Variants in IL10RB observed in about 807,000 individuals in gnomAD.
IL10RB encodes interleukin-10 receptor subunit beta.
In IL10RB, 30 loss-of-function variants were observed where a neutral mutation model predicts 38.7. The ratio of observed to expected loss-of-function variants is 0.78; its 90% CI spans 0.58 to 1.05. IL10RB has a LOEUF of 1.05. IL10RB is among the 50% of genes least tolerant of loss of function. IL10RB has a pLI of 0.00. For missense variants in IL10RB, 328 were observed against 397.1 expected, an observed-to-expected ratio of 0.83 and a Z score of 1.48; for synonymous variants, 142 against 145.9, an observed-to-expected ratio of 0.97 and a Z score of 0.19.
intron 6 of IL10RB, among the ~76,000 whole-genome samples, chr21:33,291,705 C>G (rs1989490942): frequency 6.6e-6 from 1 of 152,228 alleles, no homozygotes; most frequent in African/African-American, 2.4e-5. Context: ...TAAAGGTTAG[C>G]TCCAGCCAGG....
At chr21:33,266,639 T>G in intron 1 of IL10RB, 125 bp downstream of exon 1, 1 of 932,542 alleles carries the variant, frequency 1.1e-6, no homozygotes, top group South Asian at 1.5e-5. Flanking sequence ...GGAGAGAAGA[T>G]GCAAACGCCA....
intron 2 of IL10RB, among the ~76,000 whole-genome samples, chr21:33,269,423 T>A (rs1267532679): frequency 6.6e-6 from 1 of 152,218 alleles, no homozygotes; most frequent in Non-Finnish European, 1.5e-5. Context: ...AGTCCTTCAG[T>A]GAGGCAGGAG....
At chr21:33,280,581 A>G (rs1238218008) in intron 4 of IL10RB, among the ~76,000 whole-genome samples, 1 of 152,242 alleles carries the variant, frequency 6.6e-6, no homozygotes, top group Non-Finnish European at 1.5e-5. Context: ...ACATCAGTAC[A>G]TGAGGTTTCC....
chr21:33,271,437 A>C (rs1989077818), intron 2 of IL10RB, among the ~76,000 whole-genome samples: 1 of 152,122 alleles, frequency 6.6e-6, no homozygotes, highest in South Asian at 2.1e-4. Context: ...AATAAAAATA[A>C]CCTAGTGAAG....
At chr21:33,271,595 G>A (rs749946370) in intron 2 of IL10RB, among the ~76,000 whole-genome samples, 6 of 152,034 alleles carry the variant, frequency 3.9e-5, no homozygotes, top group Non-Finnish European at 7.4e-5. Context: ...GGGTATGGTG[G>A]TGCATACCTG....
intron 1 of IL10RB, among the ~76,000 whole-genome samples, chr21:33,267,062 C>T (rs564908433): frequency 6.7e-4 from 102 of 152,294 alleles, no homozygotes; most frequent in African/African-American, 2.2e-3. Flanking sequence ...CCCCCAGCGC[C>T]CCAGCTCCAT....
intron 6 of IL10RB, among the ~76,000 whole-genome samples, chr21:33,295,145 C>A (rs1234462949): frequency 1.3e-5 from 2 of 152,070 alleles, no homozygotes; most frequent in East Asian, 1.9e-4. Flanking sequence ...GTGGGCAGAT[C>A]ACGAGGTCAG....
At chr21:33,270,166 C>G (rs1351088053) in intron 2 of IL10RB, among the ~76,000 whole-genome samples, 1 of 152,200 alleles carries the variant, frequency 6.6e-6, no homozygotes, top group Non-Finnish European at 1.5e-5. Context: ...TCAGCTGTCC[C>G]AAGGATTGAA....
At chr21:33,308,540 G>A (rs2123617805) in intron 1 of IL10RB, 1 of 152,260 alleles carries the variant, frequency 6.6e-6, no homozygotes, top group Non-Finnish European at 1.5e-5. Context: ...AATTCTAAAT[G>A]TCCTACCATC....
chr21:33,287,993 C>T (rs1332448587), intron 5 of IL10RB, 111 bp from the exon 6 acceptor site: 28 of 1,060,846 alleles, frequency 2.6e-5, no homozygotes, highest in Non-Finnish European at 3.8e-5. Flanking sequence ...AGACGTCCCC[C>T]AAGATAAACG....
intron 2 of IL10RB, among the ~76,000 whole-genome samples, chr21:33,272,253 G>T (rs572171570): frequency 1.3e-5 from 2 of 152,264 alleles, no homozygotes; most frequent in South Asian, 4.1e-4. Flanking sequence ...TCTGAGTTCA[G>T]TTGGGCAGAT....
chr21:33,296,439 A>G lies in IL10RB; in HGVS notation c.*82A>G. ...GCCTCAGTGAGGGATCAGGGCAGCAAACAAGGGCCAAGACCATCTGAGCCA... is the reference window on the plus strand; with the variant it reads ...GCCTCAGTGAGGGATCAGGGCAGCAGACAAGGGCCAAGACCATCTGAGCCA... On this transcript the variant is annotated 3_prime_UTR_variant, in exon 7 of 7. Coordinates refer to ENST00000290200, the MANE Select transcript of IL10RB (RefSeq NM_000628.5). The G allele has an allele frequency of 7.2e-7, 1 of 1,386,680 alleles. No homozygotes were observed. Among genetic ancestry groups the G allele is most frequent in the Non-Finnish European group, 1.0e-6 (1 of 994,096 alleles). 85.9% of individuals were successfully genotyped at this position (1,386,680 alleles called of 1,614,324 possible). A position where few individuals can be genotyped will look rare whatever the true frequency, so the allele number is the denominator to read the frequency against.
chr21:33,288,800 T>C (rs542150881), intron 6 of IL10RB, among the ~76,000 whole-genome samples: 1 of 152,302 alleles, frequency 6.6e-6, no homozygotes, highest in Admixed American at 6.5e-5. Flanking sequence ...TGACTAATGA[T>C]AACAGGACTG....
At chr21:33,299,097 C>T (rs2082978689), downstream of IL10RB, among the ~76,000 whole-genome samples, 1 of 152,168 alleles carries the variant, frequency 6.6e-6, no homozygotes. Context: ...TTGCCCCAAA[C>T]CCGGAAACCC....
At chr21:33,269,203 G>A (rs1485015341) in intron 2 of IL10RB, among the ~76,000 whole-genome samples, 5 of 152,198 alleles carry the variant, frequency 3.3e-5, no homozygotes, top group African/African-American at 4.8e-5. Context: ...TGATCTGAAC[G>A]CCCTCTACCT....
At chr21:33,303,564 A>T (rs758806213) in intron 1 of IL10RB, among the ~76,000 whole-genome samples, 1 of 152,126 alleles carries the variant, frequency 6.6e-6, no homozygotes, top group Non-Finnish European at 1.5e-5. Flanking sequence ...TATGTTGGCC[A>T]GGCTGGTATC....
At chr21:33,298,775 C>T (rs990581493), downstream of IL10RB, among the ~76,000 whole-genome samples, 2 of 152,114 alleles carry the variant, frequency 1.3e-5, no homozygotes, top group Admixed American at 1.3e-4. Context: ...CCTGAAAAAT[C>T]AAGCTGCAAG....
At chr21:33,271,753 A>C (rs887807341) in intron 2 of IL10RB, among the ~76,000 whole-genome samples, 12 of 152,086 alleles carry the variant, frequency 7.9e-5, no homozygotes, top group Admixed American at 6.5e-4. Flanking sequence ...CTAGTGAAAA[A>C]GATGTTATTG....
chr21:33,274,549 T>A (rs1319176518), intron 2 of IL10RB, among the ~76,000 whole-genome samples: 2 of 152,236 alleles, frequency 1.3e-5, no homozygotes, highest in African/African-American at 4.8e-5. Context: ...GAATGGATGT[T>A]GTGTTAGCAG....
Sources: gnomAD v4.1 joint callset for allele counts (sites outside exome capture counted in the v4.1 genomes callset) on GRCh38, gnomAD v4.1.1 for gene constraint, MANE v1.5 for transcripts, NCBI Gene and HGNC (gene_info 2026-07-23, HGNC 2026-07-21) for gene names.